The following SHANK2 variants were observed in gnomAD, a reference collection of about 807,000 sequenced individuals.
SHANK2 encodes SH3 and multiple ankyrin repeat domains protein 2.
In SHANK2, 43 loss-of-function variants were observed where a neutral mutation model predicts 133.7. The ratio of observed to expected loss-of-function variants is 0.32; its 90% CI spans 0.25 to 0.41. SHANK2 has a LOEUF of 0.41. Ranked by LOEUF, SHANK2 falls within the 10% of genes least tolerant of loss-of-function variation. The pLI is 1.00. For synonymous variants in SHANK2, 1,017 were observed against 952.8 expected (o/e 1.07, Z -1.24); for missense variants, 1,994 against 2,235.8 (o/e 0.89, Z 2.18).
At chr11:70,668,149 A>C (rs1227115287) in intron 15 of SHANK2, 1 of 151,724 alleles carries the variant, frequency 6.6e-6, no homozygotes, top group Non-Finnish European at 1.5e-5. Context: ...CAACCCACCC[A>C]AAAAAATGTG....
intron 2 of SHANK2, among the ~76,000 whole-genome samples, chr11:71,171,489 C>T (rs117938559): frequency 0.012 from 1,820 of 152,284 alleles, 12 homozygotes; most frequent in Non-Finnish European, 0.019. Flanking sequence ...TCTTTTACAT[C>T]TTACTGGCCG....
At chr11:70,782,540 C>T (rs1296451684) in intron 14 of SHANK2, among the ~76,000 whole-genome samples, 3 of 152,222 alleles carry the variant, frequency 2.0e-5, no homozygotes, top group African/African-American at 7.2e-5. Context: ...GGACTACAGA[C>T]CACAGAGCTG....
intron 11 of SHANK2, among the ~76,000 whole-genome samples, chr11:70,844,347 T>C (rs1257703089): frequency 6.6e-6 from 1 of 150,948 alleles, no homozygotes; most frequent in Non-Finnish European, 1.5e-5. Context: ...TCCATTTGGG[T>C]TGGGGGGCCG....
chr11:70,604,641 A>G (rs1269375216), intron 17 of SHANK2: 9 of 152,316 alleles, frequency 5.9e-5, no homozygotes, highest in African/African-American at 1.9e-4. Flanking sequence ...CCAATGTCAT[A>G]CATGATGCGT....
Position 71,092,463 on chromosome 11 carries a change from C to T in SHANK2, c.871G>A (p.Val291Met). 7 of 1,551,596 alleles carry T rather than the reference C, an allele frequency of 4.5e-6. No individual in the cohort carries two copies. The highest frequency in any genetic ancestry group is 5.2e-6 in the Non-Finnish European group (6 of 1,146,988). The change falls in exon 8 of 26, where the codon GTG becomes ATG. Residue 291 changes from valine to methionine, a missense_variant. Physicochemically the swap from Val to Met is conservative, Grantham distance 21. Around this residue, in one of 5 missense-constraint regions of SHANK2, gnomAD observed 653 missense variants for 563.4 expected, o/e 1.16. Transcript: ENST00000601538. ...CELLLHEHAT[V>M]CCKDENGWHE... is the part of the protein sequence containing the mutation. ...CAGCCGTTCTCATCTTTGCAGCACA[C>T]AGTGGCGTGTTCGTGCAGGAGAAGC...
At chr11:70,582,097 G>C (rs1033616104) in intron 17 of SHANK2, among the ~76,000 whole-genome samples, 1 of 152,230 alleles carries the variant, frequency 6.6e-6, no homozygotes, top group Non-Finnish European at 1.5e-5. Context: ...CCAGAGGAGG[G>C]GTTGGCCTGG....
chr11:70,567,647 AG>A (rs1158906781), intron 17 of SHANK2, among the ~76,000 whole-genome samples: 13 of 152,046 alleles, frequency 8.6e-5, no homozygotes, highest in African/African-American at 3.1e-4. Flanking sequence ...AAAAAAAAAA[AG>A]AACTGGAGAT....
At chr11:70,779,432 TG>T (rs1555044653) in intron 14 of SHANK2, among the ~76,000 whole-genome samples, 1 of 152,188 alleles carries the variant, frequency 6.6e-6, no homozygotes, top group African/African-American at 2.4e-5. Flanking sequence ...AGATTACAAT[TG>T]TGCTAATAGA....
chr11:70,902,066 G>T (rs1206295980), intron 10 of SHANK2, among the ~76,000 whole-genome samples: 1 of 152,204 alleles, frequency 6.6e-6, no homozygotes, highest in African/African-American at 2.4e-5. Flanking sequence ...CCGGGGCCCG[G>T]CTGGCACTCT....
chr11:70,500,607 G>A lies in SHANK2; in HGVS notation c.2288-17C>T. 6.3e-7 allele frequency: 1 copy of A among 1,599,652 alleles called. No homozygotes were observed. Among genetic ancestry groups the A allele is most frequent in the Non-Finnish European group, 8.5e-7 (1 of 1,173,634 alleles). On this transcript the variant is annotated splice_polypyrimidine_tract_variant and intron_variant, in intron 20 of 25. Transcript: ENST00000601538. This position sits in a 1 kb window ranked among gnomAD's most constrained non-coding sequence, Gnocchi z 4.5. ...GGACCGAGGCTTGCAAACAGAAAGGGGACCGCCATGAGCCACCAGGATGCA... is the reference window on the plus strand; with the variant it reads ...GGACCGAGGCTTGCAAACAGAAAGGAGACCGCCATGAGCCACCAGGATGCA...
At chr11:70,831,228 T>C (rs561254975) in intron 11 of SHANK2, among the ~76,000 whole-genome samples, 3 of 152,284 alleles carry the variant, frequency 2.0e-5, no homozygotes, top group African/African-American at 7.2e-5. Context: ...GTCTGTTTGT[T>C]GCCTGCCCGC....
chr11:70,742,698 G>T (rs951130687), intron 14 of SHANK2, among the ~76,000 whole-genome samples: 9 of 152,174 alleles, frequency 5.9e-5, no homozygotes, highest in African/African-American at 2.2e-4. Context: ...AAAAGGAGGC[G>T]GATTCAGAGC....
chr11:70,924,984 G>C (rs898243812), intron 10 of SHANK2, among the ~76,000 whole-genome samples: 9 of 152,122 alleles, frequency 5.9e-5, no homozygotes, highest in East Asian at 1.9e-4. Flanking sequence ...TCACAGGGGG[G>C]CAGATTGAGC....
intron 11 of SHANK2, among the ~76,000 whole-genome samples, chr11:70,854,522 C>T (rs988134932): frequency 3.9e-5 from 6 of 152,164 alleles, no homozygotes; most frequent in Non-Finnish European, 7.3e-5. Flanking sequence ...TCCAACTGAG[C>T]GCATGCATGG....
At chr11:70,834,668 A>G (rs953113867) in intron 11 of SHANK2, among the ~76,000 whole-genome samples, 4 of 152,248 alleles carry the variant, frequency 2.6e-5, no homozygotes, top group Admixed American at 1.3e-4. Context: ...TGTTAAATGA[A>G]TCATGCTTTT....
chr11:70,883,194 T>TTGAGCAC (rs1949683949), intron 11 of SHANK2, among the ~76,000 whole-genome samples: 1 of 152,090 alleles, frequency 6.6e-6, no homozygotes, highest in African/African-American at 2.4e-5. Context: ...GTCATTAGGA[T>TTGAGCAC]TGAGCACTGA....
At chr11:70,562,530 A>T (rs2059919072) in intron 17 of SHANK2, among the ~76,000 whole-genome samples, 1 of 152,170 alleles carries the variant, frequency 6.6e-6, no homozygotes. Flanking sequence ...ACCTTCTTTA[A>T]TACTGTTAAC....
At chr11:70,764,026 C>G (rs1947053156) in intron 14 of SHANK2, among the ~76,000 whole-genome samples, 1 of 121,136 alleles carries the variant, frequency 8.3e-6, no homozygotes, top group Non-Finnish European at 1.9e-5. Flanking sequence ...TTCCATTGCT[C>G]AAACTATCTG....
At chr11:70,475,576 C>T (rs1269411891) in intron 25 of SHANK2, among the ~76,000 whole-genome samples, 1 of 152,202 alleles carries the variant, frequency 6.6e-6, no homozygotes, top group Non-Finnish European at 1.5e-5. Context: ...ATGTTAGTCA[C>T]TGTTGCTTAA....
Sources: allele counts gnomAD v4.1 joint callset (sites outside exome capture counted in the v4.1 genomes callset), GRCh38; gene constraint gnomAD v4.1.1; regional missense constraint gnomAD v4.1.1; non-coding constraint Gnocchi (gnomAD v3.1); transcripts MANE v1.5; gene names NCBI Gene and HGNC (gene_info 2026-07-23, HGNC 2026-07-21).